The following STK3 variants were observed in gnomAD, a reference collection of about 807,000 sequenced individuals.
STK3 encodes the protein serine/threonine kinase 3.
STK3 carries 41 observed loss-of-function variants against 58.0 expected under a neutral mutation model. The ratio of observed to expected loss-of-function variants is 0.71; its 90% CI spans 0.55 to 0.92. STK3 has a LOEUF of 0.92. Among genes scored for constraint, STK3 ranks in the 40% least tolerant of loss-of-function variants. The pLI is 0.00. For synonymous variants in STK3, 170 were observed against 191.0 expected (o/e 0.89, Z 0.91); for missense variants, 479 against 602.7 (o/e 0.79, Z 2.15).
At chr8:98,434,917 T>C (rs2131081734) in intron 2 of STK3, among the ~76,000 whole-genome samples, 1 of 152,336 alleles carries the variant, frequency 6.6e-6, no homozygotes, top group East Asian at 1.9e-4. Flanking sequence ...GTGACATTAT[T>C]CTAGGCCTTC....
chr8:98,519,550 C>G (rs775063041), intron 10 of STK3, among the ~76,000 whole-genome samples: 11 of 152,124 alleles, frequency 7.2e-5, no homozygotes, highest in Non-Finnish European at 1.2e-4. Flanking sequence ...AGGGTTGGTA[C>G]TTTCTCTGCC....
intron 3 of STK3, among the ~76,000 whole-genome samples, chr8:98,753,835 C>T (rs1184190353): frequency 6.6e-6 from 1 of 152,180 alleles, no homozygotes; most frequent in Non-Finnish European, 1.5e-5. Context: ...CACTGCTACT[C>T]CGTTACCTCT....
chr8:98,832,164 A>C (rs1835554513), intron 3 of STK3, among the ~76,000 whole-genome samples: 1 of 151,952 alleles, frequency 6.6e-6, no homozygotes, highest in Non-Finnish European at 1.5e-5. Context: ...AGAAACCGGA[A>C]GCAGGCATTT....
intron 3 of STK3, among the ~76,000 whole-genome samples, chr8:98,402,299 T>C (rs1817950668): frequency 6.6e-6 from 1 of 152,174 alleles, no homozygotes; most frequent in Non-Finnish European, 1.5e-5. Flanking sequence ...GCAGAATCTT[T>C]CCCCAAGATC....
intron 3 of STK3, among the ~76,000 whole-genome samples, chr8:98,408,818 T>C (rs1353729804): frequency 6.6e-6 from 1 of 152,240 alleles, no homozygotes; most frequent in Non-Finnish European, 1.5e-5. Context: ...GGGAATCTAA[T>C]CAAATGAAAC....
chr8:98,642,411 C>T (rs951934171), intron 6 of STK3, among the ~76,000 whole-genome samples: 18 of 152,080 alleles, frequency 1.2e-4, no homozygotes, highest in Middle Eastern at 3.2e-3. Flanking sequence ...TTATTAAGTG[C>T]CTCCAGCAGG....
At chr8:98,651,068 A>G (rs996188432) in intron 6 of STK3, among the ~76,000 whole-genome samples, 23 of 152,228 alleles carry the variant, frequency 1.5e-4, no homozygotes, top group Admixed American at 1.4e-3. Context: ...CTGGCCCTGG[A>G]GCCGCCTAAC....
chr8:98,867,398 G>C (rs534808979), intron 3 of STK3, among the ~76,000 whole-genome samples: 1 of 152,266 alleles, frequency 6.6e-6, no homozygotes, highest in South Asian at 2.1e-4. Flanking sequence ...TGGGTGATAG[G>C]AGTGAAACCC....
chr8:98,401,742 A>C (rs1158636092), intron 3 of STK3, among the ~76,000 whole-genome samples: 2 of 152,112 alleles, frequency 1.3e-5, no homozygotes, highest in Non-Finnish European at 2.9e-5. Flanking sequence ...ACCTCTTCCC[A>C]GTCTCATCTC....
intron 1 of STK3, 45 bp from the exon 2 acceptor site, chr8:98,774,864 C>A (rs1258833709): frequency 2.2e-6 from 3 of 1,386,658 alleles, no homozygotes; most frequent in Admixed American, 5.3e-5. Flanking sequence ...TCTTTAAAGA[C>A]CTTTTACAAA....
chr8:98,565,005 TTTCTATTTC>T (rs1218060111), intron 8 of STK3, among the ~76,000 whole-genome samples: 1 of 152,144 alleles, frequency 6.6e-6, no homozygotes, highest in African/African-American at 2.4e-5. Flanking sequence ...CTAAACTATT[TTTCTATTTC>T]TTCTATAAAC....
chr8:98,853,980 C>T (rs1269702322), intron 3 of STK3, among the ~76,000 whole-genome samples: 1 of 152,160 alleles, frequency 6.6e-6, no homozygotes, highest in Non-Finnish European at 1.5e-5. Flanking sequence ...CTTCCCAAAT[C>T]ATTCTGTGAG....
chr8:98,370,225 G>T (rs1333599801), downstream of STK3, among the ~76,000 whole-genome samples: 2 of 151,688 alleles, frequency 1.3e-5, no homozygotes, highest in Non-Finnish European at 2.9e-5. Context: ...TTTGTTGGGT[G>T]GGGGCTGAAG....
At chr8:98,747,248 A>G (rs184093505) in intron 4 of STK3, among the ~76,000 whole-genome samples, 1 of 152,298 alleles carries the variant, frequency 6.6e-6, no homozygotes, top group African/African-American at 2.4e-5. Flanking sequence ...CAAAATAAGA[A>G]TAACAATATA....
chr8:98,487,483 T>C (rs1457874286), intron 10 of STK3, among the ~76,000 whole-genome samples: 1 of 152,200 alleles, frequency 6.6e-6, no homozygotes, highest in East Asian at 1.9e-4. Flanking sequence ...CAATTTGAAT[T>C]GATATCTCCA....
intron 7 of STK3, among the ~76,000 whole-genome samples, chr8:98,583,845 A>ATG (rs529496460): frequency 0.1 from 14,681 of 144,674 alleles, 750 homozygotes; most frequent in South Asian, 0.21. Flanking sequence ...GAGAGAGTGT[A>ATG]TGTGTGTGTG....
chr8:98,386,100 A>G (rs1228408440), intron 1 of STK3, among the ~76,000 whole-genome samples: 2 of 152,204 alleles, frequency 1.3e-5, no homozygotes, highest in Non-Finnish European at 2.9e-5. Flanking sequence ...GGAAGCAGGC[A>G]CTCAGTATAT....
intron 6 of STK3, among the ~76,000 whole-genome samples, chr8:98,614,866 C>T (rs1047921344): frequency 3.3e-5 from 5 of 152,118 alleles, no homozygotes; most frequent in Non-Finnish European, 5.9e-5. Context: ...AACTGCAAGG[C>T]GGCAGCTAGG....
intron 1 of STK3, among the ~76,000 whole-genome samples, chr8:98,916,523 G>A (rs2131995408): frequency 6.6e-6 from 1 of 152,302 alleles, no homozygotes; most frequent in South Asian, 2.1e-4. Flanking sequence ...AATGGAACAA[G>A]CACTGTGTCT....
Sources: gnomAD v4.1 joint callset for allele counts (sites outside exome capture counted in the v4.1 genomes callset) on GRCh38, gnomAD v4.1.1 for gene constraint, MANE v1.5 for transcripts, NCBI Gene and HGNC (gene_info 2026-07-23, HGNC 2026-07-21) for gene names.